Variants in GNL1 observed in about 807,000 individuals in gnomAD.
The protein encoded by GNL1 is guanine nucleotide-binding protein-like 1.
Under a neutral mutation model 75.2 loss-of-function variants are expected in GNL1, and 21 were observed. That is an observed-to-expected ratio of 0.28 (90% CI 0.20 to 0.40). GNL1 has a LOEUF of 0.40. GNL1 is among the 10% of genes least tolerant of loss of function. The probability of loss-of-function intolerance (pLI) is 1.00; values close to 1 mark genes in which losing one functional copy is unlikely to be tolerated. For missense variants in GNL1, 579 were observed against 775.0 expected, an observed-to-expected ratio of 0.75 and a Z score of 3.00; for synonymous variants, 287 against 303.4, an observed-to-expected ratio of 0.95 and a Z score of 0.56.
rs1022913287 is a variant in GNL1 at position 30,542,649 on chromosome 6, A to T, written c.*3423T>A. 1.3e-5 allele frequency: 2 copies of T among 152,192 alleles called. No homozygotes were observed. Among genetic ancestry groups the T allele is most frequent in the Admixed American group, 6.5e-5 (1 of 15,274 alleles). The allele number at this position is 152,192 out of a possible 1,614,324, so 9.4% of individuals were successfully genotyped here. On this transcript the variant is annotated 3_prime_UTR_variant, in exon 12 of 12. Coordinates refer to ENST00000376621, the MANE Select transcript of GNL1 (RefSeq NM_005275.5). The surrounding 1 kb of genome is among the most constrained non-coding windows in gnomAD (Gnocchi z 4.5). ...CTACACAGCAAAACAATCCCAAGAC[A>T]TGTCAATTCTATCTCCTGAGCAACC...
rs947042356 is a variant in GNL1, at chr6:30,543,545, A to T, written c.*2527T>A. ...TATGACAGTTCAATAGAAACACGTA[A>T]AATAATGCTTTTATAGTTTACATAC... On this transcript the variant is annotated 3_prime_UTR_variant, in exon 12 of 12. Coordinates refer to ENST00000376621, the MANE Select transcript of GNL1 (RefSeq NM_005275.5). 5.3e-5 allele frequency: 8 copies of T among 152,200 alleles called. No homozygotes were observed. The highest frequency in any genetic ancestry group is 1.9e-4 in the African/African-American group (8 of 41,450). 9.4% of individuals were successfully genotyped at this position (152,200 alleles called of 1,614,324 possible). A position where few individuals can be genotyped will look rare whatever the true frequency, so the allele number is the denominator to read the frequency against.
rs1799321362 is a variant in GNL1 at position 30,544,124 on chromosome 6, C to T, written c.*1948G>A. 6.6e-6 allele frequency: 1 copy of T among 152,160 alleles called. No individual in the cohort carries two copies. The highest frequency in any genetic ancestry group is 1.5e-5 in the Non-Finnish European group (1 of 68,054). 9.4% of individuals were successfully genotyped at this position (152,160 alleles called of 1,614,324 possible). ...ACGTCCCTCAGTTCTTTTCCTGTTGCTATTATCCTATAGAGTCAGCAAGTC... is the reference window on the plus strand; with the variant it reads ...ACGTCCCTCAGTTCTTTTCCTGTTGTTATTATCCTATAGAGTCAGCAAGTC... On this transcript the variant is annotated 3_prime_UTR_variant, in exon 12 of 12. Coordinates refer to ENST00000376621, the MANE Select transcript of GNL1 (RefSeq NM_005275.5).
At chr6:30,549,044 C>G (rs1365364669) in intron 8 of GNL1, among the ~76,000 whole-genome samples, 2 of 152,090 alleles carry the variant, frequency 1.3e-5, no homozygotes, top group African/African-American at 4.8e-5. Context: ...CTCACCCGGG[C>G]TGGAGTGCAG....
rs1197548041 is a variant in GNL1 at position 30,556,316 on chromosome 6, A to G, written c.-113T>C. On this transcript the variant is annotated 5_prime_UTR_variant, in exon 1 of 12. Coordinates refer to ENST00000376621, the MANE Select transcript of GNL1 (RefSeq NM_005275.5). The surrounding 1 kb of genome is among the most constrained non-coding windows in gnomAD (Gnocchi z 5.7). ...CCGGGACCCTAGAGGAGGCGGGGCT[A>G]GCAGGTGACGTCAGCGGGCGGGCCC... 7.3e-6 allele frequency: 9 copies of G among 1,238,132 alleles called. No homozygotes were observed. Among genetic ancestry groups the G allele is most frequent in the East Asian group, 2.4e-5 (1 of 41,546 alleles). The allele number at this position is 1,238,132 out of a possible 1,614,324, so 76.7% of individuals were successfully genotyped here.
chr6:30,550,395 T>C (rs770158090), intron 8 of GNL1, among the ~76,000 whole-genome samples: 3 of 152,106 alleles, frequency 2.0e-5, no homozygotes, highest in Non-Finnish European at 4.4e-5. Context: ...TGGAAGTCCT[T>C]CTTTATCCTC....
chr6:30,554,562 C>T lies in GNL1; in HGVS notation c.600+13G>A, dbSNP rs1800011924. On this transcript the variant is annotated intron_variant, in intron 5 of 11. Coordinates refer to ENST00000376621, the MANE Select transcript of GNL1 (RefSeq NM_005275.5). ...CTCCCTCCTCCTTGCCCACCCTTAT[C>T]CCTAGTACTCACTGGATGTCGGATA... 4 of 1,527,544 alleles carry T rather than the reference C, an allele frequency of 2.6e-6. No individual in the cohort carries two copies. The highest frequency in any genetic ancestry group is 3.6e-6 in the Non-Finnish European group (4 of 1,102,012). The allele number at this position is 1,527,544 out of a possible 1,614,324, so 94.6% of individuals were successfully genotyped here.
chr6:30,554,909 T>C lies in GNL1; in HGVS notation c.383A>G (p.Asp128Gly), dbSNP rs1800037101. 1 of 1,612,948 alleles carries C rather than the reference T, an allele frequency of 6.2e-7. No homozygotes were observed. Among genetic ancestry groups the C allele is most frequent in the Non-Finnish European group, 8.5e-7 (1 of 1,179,950 alleles). ...GCTCCAAGGAGGACGTCGAGGAAAGTCCAGAACTGGGAATTCAGGAAAAAG... is the reference window on the plus strand; with the variant it reads ...GCTCCAAGGAGGACGTCGAGGAAAGCCCAGAACTGGGAATTCAGGAAAAAG... ...REVYQPGSVLDFPRRPPWSYE... is the reference protein window; with the variant it reads ...REVYQPGSVLGFPRRPPWSYE... Residue 128 changes from aspartate to glycine, a missense_variant, in exon 4 of 12, where the codon GAC becomes GGC. Asp to Gly is a moderately conservative substitution (Grantham distance 94). Coordinates refer to ENST00000376621, the MANE Select transcript of GNL1 (RefSeq NM_005275.5).
chr6:30,556,448 G>C lies in GNL1; in HGVS notation c.-245C>G. 3.5e-6 allele frequency: 2 copies of C among 578,470 alleles called. No homozygotes were observed. Among genetic ancestry groups the C allele is most frequent in the Non-Finnish European group, 6.1e-6 (2 of 325,800 alleles). 35.8% of individuals were successfully genotyped at this position (578,470 alleles called of 1,614,324 possible). A position where few individuals can be genotyped will look rare whatever the true frequency, so the allele number is the denominator to read the frequency against. On this transcript the variant is annotated 5_prime_UTR_variant, in exon 1 of 12. Coordinates refer to ENST00000376621, the MANE Select transcript of GNL1 (RefSeq NM_005275.5). The surrounding 1 kb of genome is among the most constrained non-coding windows in gnomAD (Gnocchi z 5.7). Reference sequence around the variant, plus strand: ...GATGCGGGGTGGGCTACTGGCACGTGAGAGCCAGTGGCACCGAGAGGGCGC... The same window carrying C: ...GATGCGGGGTGGGCTACTGGCACGTCAGAGCCAGTGGCACCGAGAGGGCGC...
chr6:30,555,646 TGTCG>T lies in GNL1; in HGVS notation c.144_147del (p.Asp49ProfsTer7). ...TGGGTCACAGACTCCCCGTCCGAGG[TGTCG>T]GTCTGTTCCTCTCGCCGCTCCCGGC... On this transcript the variant is annotated frameshift_variant, in exon 2 of 12. Transcript: ENST00000376621. LOFTEE classifies it high-confidence loss of function. This position sits in a 1 kb window ranked among gnomAD's most constrained non-coding sequence, Gnocchi z 4.3. The T allele has an allele frequency of 6.2e-7, 1 of 1,613,918 alleles. No individual in the cohort carries two copies. The highest frequency in any genetic ancestry group is 8.5e-7 in the Non-Finnish European group (1 of 1,179,942).
In GNL1 at chr6:30,546,771, T is replaced by C; in HGVS notation, c.1507A>G (p.Asn503Asp). Residue 503 changes from asparagine to aspartate, a missense_variant, in exon 11 of 12, where the codon AAC (asparagine) becomes GAC (aspartate). Physicochemically the swap from Asn to Asp is conservative, Grantham distance 23. Transcript: ENST00000376621. The surrounding 1 kb of genome is among the most constrained non-coding windows in gnomAD (Gnocchi z 5.1). ...TCCACTGCCAGCCGCAAGAGACTGT[T>C]GGCTGCTCTGTACACATCATTCCGA... ...AARNDVYRAA[N>D]SLLRLAVDGR... The C allele has an allele frequency of 6.2e-7, 1 of 1,608,970 alleles. No individual in the cohort carries two copies. Among genetic ancestry groups the C allele is most frequent in the Non-Finnish European group, 8.5e-7 (1 of 1,176,542 alleles).
In GNL1 at chr6:30,556,391, G is replaced by C. The variant is rs1800198761; in HGVS notation, c.-188C>G. On this transcript the variant is annotated 5_prime_UTR_variant, in exon 1 of 12. Transcript: ENST00000376621. The surrounding 1 kb of genome is among the most constrained non-coding windows in gnomAD (Gnocchi z 5.7). ...ATGGAAGGCGGACGGGGGAGATATA[G>C]TCACTTCCCTCCAGGAGCGAGGCGA... is the stretch of plus-strand genomic sequence containing the variant. 1 of 636,850 alleles carries C rather than the reference G, an allele frequency of 1.6e-6. No individual in the cohort carries two copies. Among genetic ancestry groups the C allele is most frequent in the African/African-American group, 1.8e-5 (1 of 54,530 alleles). The allele number at this position is 636,850 out of a possible 1,614,324, so 39.4% of individuals were successfully genotyped here.
In GNL1 at chr6:30,542,170, GCTT is replaced by G. The variant is rs1799206455; in HGVS notation, c.*3899_*3901del. The G allele has an allele frequency of 6.6e-6, 1 of 151,484 alleles. No individual in the cohort carries two copies. The highest frequency in any genetic ancestry group is 1.5e-5 in the Non-Finnish European group (1 of 67,940). The allele number at this position is 151,484 out of a possible 1,614,324, so 9.4% of individuals were successfully genotyped here. On this transcript the variant is annotated 3_prime_UTR_variant, in exon 12 of 12. Coordinates refer to ENST00000376621, the MANE Select transcript of GNL1 (RefSeq NM_005275.5). This position sits in a 1 kb window ranked among gnomAD's most constrained non-coding sequence, Gnocchi z 4.5. ...ATTCCTTAACCCTCTGACATCTGGGGCTTCTGATTCCACCTCTCCAAAGAAATG... is the reference window on the plus strand; with the variant it reads ...ATTCCTTAACCCTCTGACATCTGGGGCTGATTCCACCTCTCCAAAGAAATG...
At position 30,556,047 on chromosome 6, in the gene GNL1, T is replaced by A; in HGVS notation, c.73+84A>T. 1 of 1,526,328 alleles carries A rather than the reference T, an allele frequency of 6.6e-7. No individual in the cohort carries two copies. Among genetic ancestry groups the A allele is most frequent in the South Asian group, 1.1e-5 (1 of 89,178 alleles). 94.5% of individuals were successfully genotyped at this position (1,526,328 alleles called of 1,614,324 possible). ...GCGGTCCCACGACCCCCTCCCACGATCCCCAGAGGTGCAGCGGGCACACCC... is the reference window on the plus strand; with the variant it reads ...GCGGTCCCACGACCCCCTCCCACGAACCCCAGAGGTGCAGCGGGCACACCC... On this transcript the variant is annotated intron_variant, in intron 1 of 11. Transcript: ENST00000376621. The surrounding 1 kb of genome is among the most constrained non-coding windows in gnomAD (Gnocchi z 5.7).
chr6:30,556,215 G>C lies in GNL1; in HGVS notation c.-12C>G. 1.2e-6 allele frequency: 2 copies of C among 1,602,632 alleles called. No homozygotes were observed. Among genetic ancestry groups the C allele is most frequent in the South Asian group, 1.1e-5 (1 of 91,088 alleles). On this transcript the variant is annotated 5_prime_UTR_variant, in exon 1 of 12. Coordinates refer to ENST00000376621, the MANE Select transcript of GNL1 (RefSeq NM_005275.5). The surrounding 1 kb of genome is among the most constrained non-coding windows in gnomAD (Gnocchi z 5.7). ...TTCTTCCTCGGCATGGCCCGGACCA[G>C]TCACCTGGCCCGCCCTCCGCCGAGC...
chr6:30,553,441 C>T lies in GNL1; in HGVS notation c.717G>A (p.Lys239=), dbSNP rs777444191. 1 of 1,612,986 alleles carries T rather than the reference C, an allele frequency of 6.2e-7. No individual in the cohort carries two copies. The highest frequency in any genetic ancestry group is 2.2e-5 in the East Asian group (1 of 44,888). Residue 239 remains lysine (K), a synonymous_variant, in exon 6 of 12, where the codon AAG becomes AAA. Transcript: ENST00000376621. ...GGGGATAGTGTTGATGGAAATAATG[C>T]TTCCAGGCAACCACAAGAGCTGGCG... ...LAPPALVVAW[K]HYFHQHYPQL...
intron 5 of GNL1, among the ~76,000 whole-genome samples, 191 bp downstream of exon 5, chr6:30,554,384 C>G (rs908332209): frequency 6.6e-6 from 1 of 152,156 alleles, no homozygotes; most frequent in Non-Finnish European, 1.5e-5. Context: ...GAAGAGTGAG[C>G]TGGCCAAGGG....
intron 8 of GNL1, among the ~76,000 whole-genome samples, chr6:30,549,061 G>A (rs960005827): frequency 5.3e-5 from 8 of 152,016 alleles, no homozygotes; most frequent in East Asian, 1.9e-4. Flanking sequence ...GCAGTGGTGC[G>A]ATGTTGGCTC....
rs562960969 is a variant in GNL1, at chr6:30,544,034, C to T, written c.*2038G>A. On this transcript the variant is annotated 3_prime_UTR_variant, in exon 12 of 12. Coordinates refer to ENST00000376621, the MANE Select transcript of GNL1 (RefSeq NM_005275.5). ...AGACTGGGCCCTTGGTTTCCTGTGT[C>T]TTTGTAGTCAGTTCTAACCTCAGCC... 3.3e-5 allele frequency: 5 copies of T among 152,370 alleles called. No homozygotes were observed. The East Asian group carries it at 9.6e-4, about 29-fold the overall frequency. 9.4% of individuals were successfully genotyped at this position (152,370 alleles called of 1,614,324 possible).
Position 30,546,472 on chromosome 6 carries a change from G to T in GNL1, c.1583-159C>A. On this transcript the variant is annotated intron_variant, in intron 11 of 11. Coordinates refer to ENST00000376621, the MANE Select transcript of GNL1 (RefSeq NM_005275.5). The surrounding 1 kb of genome is among the most constrained non-coding windows in gnomAD (Gnocchi z 5.1). ...TCATTCAACTTCCTATGTGCAGATTGCTGAACAGAACCTTTGTGCACATCA... is the reference window on the plus strand; with the variant it reads ...TCATTCAACTTCCTATGTGCAGATTTCTGAACAGAACCTTTGTGCACATCA... 1 of 680,640 alleles carries T rather than the reference G, an allele frequency of 1.5e-6. No homozygotes were observed. Among genetic ancestry groups the T allele is most frequent in the Non-Finnish European group, 2.6e-6 (1 of 391,750 alleles). The allele number at this position is 680,640 out of a possible 1,614,324, so 42.2% of individuals were successfully genotyped here. A position where few individuals can be genotyped will look rare whatever the true frequency, so the allele number is the denominator to read the frequency against.
Sources: allele counts gnomAD v4.1 joint callset (sites outside exome capture counted in the v4.1 genomes callset), GRCh38; gene constraint gnomAD v4.1.1; non-coding constraint Gnocchi (gnomAD v3.1); transcripts MANE v1.5; gene names NCBI Gene and HGNC (gene_info 2026-07-23, HGNC 2026-07-21).